Variants in GPHN observed in about 807,000 individuals in gnomAD.
GPHN encodes gephyrin.
GPHN carries 17 observed loss-of-function variants against 95.5 expected under a neutral mutation model. That is an observed-to-expected ratio of 0.18 (90% CI 0.12 to 0.27). The LOEUF (loss-of-function observed/expected upper bound fraction) is 0.27, where lower values mean the gene tolerates loss of function less well. GPHN is among the 10% of genes least tolerant of loss of function. GPHN has a pLI of 1.00. For missense variants in GPHN, 660 were observed against 978.1 expected (o/e 0.67, Z 4.34); for synonymous variants, 320 against 322.5 (o/e 0.99, Z 0.08).
chr14:66,527,533 T>G (rs2058742332), intron 1 of GPHN, among the ~76,000 whole-genome samples: 1 of 152,150 alleles, frequency 6.6e-6, no homozygotes, highest in African/African-American at 2.4e-5. Context: ...TGCTCTTTCT[T>G]CTCTAGTTCT....
chr14:67,122,563 G>A (rs1048913570), intron 17 of GPHN, among the ~76,000 whole-genome samples, 186 bp downstream of exon 17: 2 of 152,180 alleles, frequency 1.3e-5, no homozygotes, highest in African/African-American at 2.4e-5. Flanking sequence ...TTCTTGGAAT[G>A]TCTCTGAAAA....
the GPHN span, among the ~76,000 whole-genome samples, chr14:67,374,011 G>C: frequency 3.3e-5 from 5 of 152,082 alleles, no homozygotes; most frequent in Non-Finnish European, 7.4e-5. Context: ...AAAATTATTA[G>C]TTCTCTCCAG....
At chr14:67,655,363 TTATGGA>T in the GPHN span, among the ~76,000 whole-genome samples, 1 of 152,148 alleles carries the variant, frequency 6.6e-6, no homozygotes, top group Non-Finnish European at 1.5e-5. Flanking sequence ...GTTAACTCAT[TTATGGA>T]AAGGAAAAAA....
the GPHN span, among the ~76,000 whole-genome samples, chr14:67,365,248 A>G: frequency 6.6e-6 from 1 of 152,210 alleles, no homozygotes; most frequent in African/African-American, 2.4e-5. Flanking sequence ...TTTTATTTCT[A>G]GTGTTTATCA....
chr14:66,946,672 G>A (rs557381643), intron 8 of GPHN, among the ~76,000 whole-genome samples: 59 of 152,098 alleles, frequency 3.9e-4, no homozygotes, highest in African/African-American at 1.3e-3. Context: ...CAAAGTGCTC[G>A]GATTACAGAC....
rs552779185 is a variant in GPHN, at chr14:66,749,340, A to G, written c.144-27124A>G. Among the ~76,000 whole-genome samples the G allele has an allele frequency of 7.9e-5, 12 of 152,062 alleles. No homozygotes were observed. In the East Asian group the frequency reaches 1.7e-3, roughly 22 times the overall value. ...GGCTTTTGTGTGGACATAGTTTTCA[A>G]TTCCTTTGAGTAAATACCATGGATT... On this transcript the variant is annotated intron_variant, in intron 2 of 22. Transcript: ENST00000478722.
At chr14:67,085,603 C>T (rs546855132) in intron 11 of GPHN, among the ~76,000 whole-genome samples, 2 of 152,280 alleles carry the variant, frequency 1.3e-5, no homozygotes, top group African/African-American at 4.8e-5. Flanking sequence ...GGGCTACTGG[C>T]AAGAACTTAG....
At chr14:67,097,536 C>CCTCCCTTTGTCTCTCCCCACCTACA (rs2077461468) in intron 12 of GPHN, among the ~76,000 whole-genome samples, 1 of 151,764 alleles carries the variant, frequency 6.6e-6, no homozygotes, top group Admixed American at 6.6e-5. Context: ...TCCCTATTTC[C>CCTCCCTTTGTCTCTCCCCACCTACA]CTCCCTTTGT....
chr14:67,013,316 C>G (rs2073116401), intron 9 of GPHN, among the ~76,000 whole-genome samples: 1 of 152,046 alleles, frequency 6.6e-6, no homozygotes, highest in Admixed American at 6.5e-5. Flanking sequence ...GCTACATACA[C>G]AAGTCTCTAG....
At chr14:66,806,177 C>T (rs898769806) in intron 3 of GPHN, among the ~76,000 whole-genome samples, 3 of 152,220 alleles carry the variant, frequency 2.0e-5, no homozygotes, top group African/African-American at 7.2e-5. Flanking sequence ...GAAGCCACAG[C>T]TTGAGCTCTA....
rs2061321535 is a variant in GPHN at position 66,824,455 on chromosome 14, T to C, written c.202-19T>C. On this transcript the variant is annotated intron_variant, in intron 3 of 22. Coordinates refer to ENST00000478722, the MANE Select transcript of GPHN (RefSeq NM_020806.5). ...AGGCAAATTTTTCTGCACATGACTA[T>C]ACTATTGTTTTCTTTCAGGAAACCC... 3 of 1,341,956 alleles carry C rather than the reference T, an allele frequency of 2.2e-6. No individual in the cohort carries two copies. The highest frequency in any genetic ancestry group is 3.2e-6 in the Non-Finnish European group (3 of 934,504). 83.1% of individuals were successfully genotyped at this position (1,341,956 alleles called of 1,614,324 possible).
At chr14:67,315,115 C>G in the GPHN span, among the ~76,000 whole-genome samples, 1 of 151,956 alleles carries the variant, frequency 6.6e-6, no homozygotes, top group Non-Finnish European at 1.5e-5. Context: ...ATTTCCATCT[C>G]TCATTAATTT....
At chr14:67,393,158 G>T in the GPHN span, 1 of 1,611,280 alleles carries the variant, frequency 6.2e-7, no homozygotes, top group Non-Finnish European at 8.5e-7. Context: ...ACCGAGGAAG[G>T]TCTTTTTATA....
At chr14:67,249,802 A>G in the GPHN span, among the ~76,000 whole-genome samples, 2 of 152,228 alleles carry the variant, frequency 1.3e-5, no homozygotes, top group Non-Finnish European at 2.9e-5. Flanking sequence ...TTTTGTTTTG[A>G]TGTAAGAAGT....
the GPHN span, among the ~76,000 whole-genome samples, chr14:67,521,625 G>C: frequency 6.6e-6 from 1 of 152,188 alleles, no homozygotes; most frequent in African/African-American, 2.4e-5. Flanking sequence ...CCTTGAGCCT[G>C]AAAATGAAGA....
At chr14:67,391,762 G>A in the GPHN span, among the ~76,000 whole-genome samples, 21 of 152,314 alleles carry the variant, frequency 1.4e-4, no homozygotes, top group East Asian at 3.9e-4. Context: ...CGCAGGACAC[G>A]GCTTGCCTCT....
the GPHN span, among the ~76,000 whole-genome samples, chr14:67,547,600 C>T: frequency 5.3e-5 from 8 of 152,154 alleles, no homozygotes; most frequent in African/African-American, 1.9e-4. Flanking sequence ...TGGGACATTA[C>T]ATGGGCTGAT....
chr14:67,667,511 G>A, the GPHN span, among the ~76,000 whole-genome samples: 6 of 152,246 alleles, frequency 3.9e-5, no homozygotes, highest in African/African-American at 1.4e-4. Flanking sequence ...GTTTGAAAGG[G>A]TTAAAAGAAA....
rs143448099 is a variant in GPHN, at chr14:66,823,796, G to A, written c.202-678G>A. Among the ~76,000 whole-genome samples the A allele has an allele frequency of 1.4e-4, 21 of 151,864 alleles. No homozygotes were observed. In the East Asian group the frequency reaches 3.7e-3, roughly 27 times the overall value. ...CTATTTGTATTTCACAACAGTTATC[G>A]GCAATTAAATGATGAAATTCTATTT... On this transcript the variant is annotated intron_variant, in intron 3 of 22. Transcript: ENST00000478722.
Sources: allele counts gnomAD v4.1 joint callset (sites outside exome capture counted in the v4.1 genomes callset), GRCh38; gene constraint gnomAD v4.1.1; transcripts MANE v1.5; gene names NCBI Gene and HGNC (gene_info 2026-07-23, HGNC 2026-07-21).